The following UBE2E1 variants were observed in gnomAD, a reference collection of about 807,000 sequenced individuals.
The protein encoded by UBE2E1 is ubiquitin conjugating enzyme E2 E1.
A neutral mutation model predicts 21.4 loss-of-function variants in UBE2E1; 6 were observed. The observed-to-expected ratio is 0.28, with a 90% CI of 0.15 to 0.55. The LOEUF (loss-of-function observed/expected upper bound fraction) is 0.55. Ranked by LOEUF, UBE2E1 falls within the 20% of genes least tolerant of loss-of-function variation. The pLI is 0.93. For synonymous variants in UBE2E1, 87 were observed against 82.7 expected (o/e 1.05, Z -0.28); for missense variants, 142 against 236.5 (o/e 0.60, Z 2.62).
At chr3:23,813,008 A>T (rs1468545001) in intron 3 of UBE2E1, among the ~76,000 whole-genome samples, 1 of 150,640 alleles carries the variant, frequency 6.6e-6, no homozygotes, top group African/African-American at 2.4e-5. Flanking sequence ...AAAAAAAAAC[A>T]GTGTAAGTAC....
At chr3:23,869,351 C>CTTT (rs58059005) in intron 3 of UBE2E1, among the ~76,000 whole-genome samples, 5,502 of 112,542 alleles carry the variant, frequency 0.049, 355 homozygotes, top group African/African-American at 0.18. Flanking sequence ...TTATGGTATC[C>CTTT]TTTTTTTTTT....
intron 3 of UBE2E1, among the ~76,000 whole-genome samples, chr3:23,851,464 A>G (rs1049113586): frequency 1.3e-5 from 2 of 151,910 alleles, no homozygotes; most frequent in African/African-American, 2.4e-5. Flanking sequence ...GGGTTTTTAC[A>G]GGGTTTATGT....
intron 3 of UBE2E1, among the ~76,000 whole-genome samples, chr3:23,885,728 C>T (rs1256787674): frequency 2.6e-5 from 4 of 152,152 alleles, no homozygotes; most frequent in Non-Finnish European, 4.4e-5. Context: ...GGCATAATGG[C>T]GCATGCCTGT....
intron 3 of UBE2E1, among the ~76,000 whole-genome samples, chr3:23,846,569 G>A (rs1700208796): frequency 6.6e-6 from 1 of 152,042 alleles, no homozygotes; most frequent in African/African-American, 2.4e-5. Context: ...GGTGGCACAT[G>A]CCTGTGGTCC....
rs148641873 is a variant in UBE2E1 at position 23,887,657 on chromosome 3, C to G, written c.294C>G (p.Leu98=). The G allele has an allele frequency of 1.2e-6, 2 of 1,613,852 alleles. No individual in the cohort carries two copies. The highest frequency in any genetic ancestry group is 1.7e-5 in the Admixed American group (1 of 59,896). ...GSVYEGGVFF[L]DITFTPEYPF... ...TGTATGAGGGTGGTGTATTCTTTCT[C>G]GATATCACTTTTACACCAGAATATC... Residue 98 remains leucine (L), a synonymous_variant, in exon 4 of 6, where the codon CTC becomes CTG. Transcript: ENST00000306627. This position sits in a 1 kb window ranked among gnomAD's most constrained non-coding sequence, Gnocchi z 4.4.
At chr3:23,873,725 G>A (rs192487410) in intron 3 of UBE2E1, among the ~76,000 whole-genome samples, 2 of 152,256 alleles carry the variant, frequency 1.3e-5, no homozygotes, top group African/African-American at 4.8e-5. Context: ...CAGCCTGGGC[G>A]ACAGAGCGAG....
intron 3 of UBE2E1, chr3:23,879,357 G>A: frequency 3.2e-6 from 2 of 615,436 alleles, no homozygotes; most frequent in Non-Finnish European, 2.9e-6. Context: ...GGTAGGTACA[G>A]TATTTACAAA....
At chr3:23,817,853 TAA>T (rs2125284411) in intron 3 of UBE2E1, among the ~76,000 whole-genome samples, 1 of 152,326 alleles carries the variant, frequency 6.6e-6, no homozygotes, top group Admixed American at 6.5e-5. Context: ...AGTGTCAGGC[TAA>T]GTCTTTAAAT....
At chr3:23,818,767 C>T (rs1393311099) in intron 3 of UBE2E1, among the ~76,000 whole-genome samples, 1 of 152,068 alleles carries the variant, frequency 6.6e-6, no homozygotes. Context: ...CACAAGATTG[C>T]TGAGATTGGA....
At chr3:23,848,817 T>G (rs568040104) in intron 3 of UBE2E1, among the ~76,000 whole-genome samples, 1 of 151,992 alleles carries the variant, frequency 6.6e-6, no homozygotes, top group South Asian at 2.1e-4. Flanking sequence ...CTAACTGGAA[T>G]CAAAGGGGGA....
rs1310566286 is a variant in UBE2E1 at position 23,889,630 on chromosome 3, T to C, written c.484+371T>C. 3 of 985,228 alleles carry C rather than the reference T, an allele frequency of 3.0e-6. No homozygotes were observed. In the Admixed American group the frequency reaches 1.8e-4, roughly 61 times the overall value. The allele number at this position is 985,228 out of a possible 1,614,324, so 61.0% of individuals were successfully genotyped here. On this transcript the variant is annotated intron_variant, in intron 5 of 5. Coordinates refer to ENST00000306627, the MANE Select transcript of UBE2E1 (RefSeq NM_003341.5). ...GCCTGGCAAGCCTCACCTGTGCCTC[T>C]GGGGTTCAGTGAGCATGTGTCCCAT...
intron 3 of UBE2E1, among the ~76,000 whole-genome samples, chr3:23,828,155 T>C (rs773355817): frequency 3.7e-4 from 57 of 152,192 alleles, no homozygotes; most frequent in Non-Finnish European, 7.1e-4. Context: ...TTTTATTTCT[T>C]GTACCTAACA....
rs1699366594 is a variant in UBE2E1 at position 23,810,619 on chromosome 3, G to A, written c.153-841G>A. The stretch of plus-strand genomic sequence containing the variant: ...TGCGGCCGCGGGCCGGCCACTTGGG[G>A]TCTGTGGTGCCCGAGTGGCGGGCGG... On this transcript the variant is annotated intron_variant, in intron 2 of 5. Coordinates refer to ENST00000306627, the MANE Select transcript of UBE2E1 (RefSeq NM_003341.5). The surrounding 1 kb of genome is among the most constrained non-coding windows in gnomAD (Gnocchi z 5.8). 5.5e-6 allele frequency: 7 copies of A among 1,266,960 alleles called. No homozygotes were observed. Among genetic ancestry groups the A allele is most frequent in the Non-Finnish European group, 7.4e-6 (7 of 939,920 alleles). The allele number at this position is 1,266,960 out of a possible 1,614,324, so 78.5% of individuals were successfully genotyped here.
intron 3 of UBE2E1, among the ~76,000 whole-genome samples, chr3:23,857,309 G>A (rs1467524875): frequency 6.6e-6 from 1 of 152,022 alleles, no homozygotes; most frequent in Non-Finnish European, 1.5e-5. Context: ...TCTATTCACT[G>A]TTAAAGTAAA....
intron 3 of UBE2E1, among the ~76,000 whole-genome samples, chr3:23,875,757 G>T (rs1339230720): frequency 6.6e-6 from 1 of 152,160 alleles, no homozygotes; most frequent in Non-Finnish European, 1.5e-5. Flanking sequence ...TAACTTCCTT[G>T]ATACAGTGGA....
chr3:23,823,393 C>A lies in UBE2E1; in HGVS notation c.203+11883C>A, dbSNP rs191739367. ...GAGTAATTAGTTGGAATCACAAAAG[C>A]ATTAGGTGCTGAACTGCCAGAGACA... is the stretch of plus-strand genomic sequence containing the variant. On this transcript the variant is annotated intron_variant, in intron 3 of 5. Coordinates refer to ENST00000306627, the MANE Select transcript of UBE2E1 (RefSeq NM_003341.5). The surrounding 1 kb of genome is among the most constrained non-coding windows in gnomAD (Gnocchi z 4.2). Among the ~76,000 whole-genome samples, 6 of 152,286 alleles carry A rather than the reference C, an allele frequency of 3.9e-5. No homozygotes were observed. Among genetic ancestry groups the A allele is most frequent in the Admixed American group, 3.9e-4 (6 of 15,298 alleles).
At chr3:23,817,153 A>G (rs1699539870) in intron 3 of UBE2E1, among the ~76,000 whole-genome samples, 1 of 152,208 alleles carries the variant, frequency 6.6e-6, no homozygotes, top group South Asian at 2.1e-4. Context: ...TATAAATGAA[A>G]AGGCACAAGC....
chr3:23,888,329 C>G, intron 4 of UBE2E1: 1 of 453,792 alleles, frequency 2.2e-6, no homozygotes, highest in Admixed American at 2.4e-5. Context: ...AGAAAGAAAA[C>G]CCCGTCTTGG....
At chr3:23,829,549 G>T (rs1412941490) in intron 3 of UBE2E1, among the ~76,000 whole-genome samples, 1 of 152,034 alleles carries the variant, frequency 6.6e-6, no homozygotes, top group Non-Finnish European at 1.5e-5. Flanking sequence ...CAGTCCTTCT[G>T]CCTCAACCTC....
Sources: allele counts gnomAD v4.1 joint callset (sites outside exome capture counted in the v4.1 genomes callset), GRCh38; gene constraint gnomAD v4.1.1; non-coding constraint Gnocchi (gnomAD v3.1); transcripts MANE v1.5; gene names NCBI Gene and HGNC (gene_info 2026-07-23, HGNC 2026-07-21).